The following HMCN1 variants were observed in gnomAD, a reference collection of about 807,000 sequenced individuals.
HMCN1 encodes the protein hemicentin-1.
Under a neutral mutation model 625.9 loss-of-function variants are expected in HMCN1, and 321 were observed. That is an observed-to-expected ratio of 0.51 (90% CI 0.47 to 0.56). The LOEUF (loss-of-function observed/expected upper bound fraction) is 0.56. Among genes scored for constraint, HMCN1 ranks in the 20% least tolerant of loss-of-function variants. The pLI, the probability that HMCN1 is intolerant of heterozygous loss-of-function variation, is 0.00. For synonymous variants in HMCN1, 2,425 were observed against 2,417.6 expected (o/e 1.00, Z -0.09); for missense variants, 6,588 against 6,887.3 (o/e 0.96, Z 1.54).
At chr1:185,995,745 T>C (rs1255199502) in intron 24 of HMCN1, among the ~76,000 whole-genome samples, 2 of 152,066 alleles carry the variant, frequency 1.3e-5, no homozygotes, top group African/African-American at 4.8e-5. Context: ...GATTAGACTA[T>C]CAAGCAGGAC....
intron 5 of HMCN1, among the ~76,000 whole-genome samples, chr1:185,910,958 G>C (rs1379266783): frequency 6.6e-6 from 1 of 152,146 alleles, no homozygotes; most frequent in Non-Finnish European, 1.5e-5. Context: ...TGCCAAATTT[G>C]CTTTTCCTCT....
rs138477158 is a variant in HMCN1, at chr1:186,002,838, G to T, written c.4349-880G>T. ...ACTGGTACCTCCATCCACTCACTTG[G>T]TTATTCCAGAACCTCCAGGTTCTCA... On this transcript the variant is annotated intron_variant, in intron 28 of 106. Coordinates refer to ENST00000271588, the MANE Select transcript of HMCN1 (RefSeq NM_031935.3). Among the ~76,000 whole-genome samples, 196 of 152,132 alleles carry T rather than the reference G, an allele frequency of 1.3e-3. 2 individuals are homozygous for T. The highest frequency in any genetic ancestry group is 4.6e-3 in the African/African-American group (189 of 41,530).
intron 80 of HMCN1, 86 bp downstream of exon 80, chr1:186,120,231 C>T: frequency 7.1e-7 from 1 of 1,414,214 alleles, no homozygotes; most frequent in Non-Finnish European, 9.8e-7. Context: ...AATGATTATG[C>T]TGCTGTTCCC....
intron 86 of HMCN1, among the ~76,000 whole-genome samples, chr1:186,135,364 C>T (rs1649531276): frequency 6.6e-6 from 1 of 152,058 alleles, no homozygotes; most frequent in Non-Finnish European, 1.5e-5. Flanking sequence ...GTCTTCTGTC[C>T]ATCTCTTAAA....
At chr1:185,962,931 T>C (rs1650134107) in intron 12 of HMCN1, among the ~76,000 whole-genome samples, 1 of 152,156 alleles carries the variant, frequency 6.6e-6, no homozygotes, top group Non-Finnish European at 1.5e-5. Context: ...TTAGTTTAAC[T>C]TGAGTAATTG....
intron 94 of HMCN1, 26 bp from the exon 95 acceptor site, chr1:186,151,580 C>T (rs1410477141): frequency 6.2e-7 from 1 of 1,604,152 alleles, no homozygotes; most frequent in African/African-American, 1.3e-5. Context: ...TTTGCTATCA[C>T]CTTATTTATC....
chr1:186,159,170 G>C (rs1269553807), intron 97 of HMCN1, among the ~76,000 whole-genome samples: 1 of 151,456 alleles, frequency 6.6e-6, no homozygotes, highest in Non-Finnish European at 1.5e-5. Context: ...TGGATTCCTA[G>C]GTATTTTATT....
intron 4 of HMCN1, among the ~76,000 whole-genome samples, chr1:185,902,811 G>A (rs1296533928): frequency 6.6e-6 from 1 of 151,596 alleles, no homozygotes; most frequent in African/African-American, 2.4e-5. Context: ...ATGTCTACAT[G>A]TATGTGTGTA....
chr1:185,924,990 C>A, intron 8 of HMCN1, 57 bp from the exon 9 acceptor site: 1 of 1,449,252 alleles, frequency 6.9e-7, no homozygotes, highest in Non-Finnish European at 9.5e-7. Context: ...CAGTACTTAA[C>A]ATCATTGTGA....
chr1:185,881,122 T>G (rs6666206), intron 4 of HMCN1, among the ~76,000 whole-genome samples: 9,675 of 152,284 alleles, frequency 0.064, 1,079 homozygotes, highest in African/African-American at 0.22. Flanking sequence ...CCCTATGCCA[T>G]TTTGCATGAG....
At chr1:186,027,181 A>G (rs4626827) in intron 36 of HMCN1, among the ~76,000 whole-genome samples, 93,529 of 152,054 alleles carry the variant, frequency 0.62, 29,745 homozygotes, top group African/African-American at 0.79. Flanking sequence ...ATGATCAAGA[A>G]AAGAGGAACA....
In HMCN1 at chr1:186,151,363, T is replaced by C. The variant is rs1178248205; in HGVS notation, c.14758+14T>C. The C allele has an allele frequency of 1.9e-6, 3 of 1,610,530 alleles. No homozygotes were observed. The highest frequency in any genetic ancestry group is 2.5e-6 in the Non-Finnish European group (3 of 1,177,428). The stretch of plus-strand genomic sequence containing the variant: ...CTCGTAGTCTTGGTAAGTCTTTGCC[T>C]CAAGCCTCTTTTTAAAAACTTATAT... On this transcript the variant is annotated intron_variant, in intron 94 of 106. Transcript: ENST00000271588.
intron 48 of HMCN1, 77 bp downstream of exon 48, chr1:186,062,677 A>C: frequency 1.1e-6 from 1 of 936,530 alleles, no homozygotes; most frequent in Admixed American, 1.8e-5. Context: ...TATCTTAAAA[A>C]TTTTTTATAT....
chr1:185,988,613 A>G (rs149218930), intron 20 of HMCN1, among the ~76,000 whole-genome samples: 152 of 152,362 alleles, frequency 1.0e-3, no homozygotes, highest in African/African-American at 3.4e-3. Flanking sequence ...AGTTTAATGC[A>G]TTTTAAGGAA....
chr1:186,135,109 TC>T (rs1571401086), intron 86 of HMCN1, among the ~76,000 whole-genome samples: 1 of 152,190 alleles, frequency 6.6e-6, no homozygotes, highest in African/African-American at 2.4e-5. Context: ...ACTCTCTTTT[TC>T]CCAATGAAGT....
At chr1:186,187,607 C>A (rs1369694236) in intron 105 of HMCN1, among the ~76,000 whole-genome samples, 1 of 152,104 alleles carries the variant, frequency 6.6e-6, no homozygotes, top group Non-Finnish European at 1.5e-5. Context: ...TAAAAAGCAC[C>A]AGAGAGCTCT....
chr1:186,093,619 T>C lies in HMCN1; in HGVS notation c.10146T>C (p.Pro3382=), dbSNP rs1183604634. 6.2e-7 allele frequency: 1 copy of C among 1,613,450 alleles called. No individual in the cohort carries two copies. The highest frequency in any genetic ancestry group is 8.5e-7 in the Non-Finnish European group (1 of 1,179,616). ...TAAACTGGCTGAAGAATGGACTTCC[T>C]CTGCCTCTCTCCTCCCATATCCGGT... The part of the protein sequence containing the change: ...PQINWLKNGL[P]LPLSSHIRLL... The change falls in exon 66 of 107, where the codon CCT becomes CCC. Residue 3382 remains proline, a synonymous_variant. Coordinates refer to ENST00000271588, the MANE Select transcript of HMCN1 (RefSeq NM_031935.3).
chr1:186,184,211 G>C (rs1276788714), intron 105 of HMCN1, among the ~76,000 whole-genome samples: 1 of 152,100 alleles, frequency 6.6e-6, no homozygotes, highest in Non-Finnish European at 1.5e-5. Context: ...TATTTTTGTG[G>C]TTTTAAAAAG....
intron 71 of HMCN1, among the ~76,000 whole-genome samples, chr1:186,109,667 G>A (rs372267045): frequency 2.5e-4 from 38 of 152,326 alleles, no homozygotes; most frequent in Middle Eastern, 3.4e-3. Flanking sequence ...TAAAGGATCA[G>A]TATATACTGG....
Sources: gnomAD v4.1 joint callset for allele counts (sites outside exome capture counted in the v4.1 genomes callset) on GRCh38, gnomAD v4.1.1 for gene constraint, MANE v1.5 for transcripts, NCBI Gene and HGNC (gene_info 2026-07-23, HGNC 2026-07-21) for gene names.